KCNN4: variants seen among roughly 807,000 people sequenced by gnomAD.
KCNN4 encodes the protein potassium calcium-activated channel subfamily N member 4, also known as intermediate conductance calcium-activated potassium channel protein 4.
A neutral mutation model predicts 45.2 loss-of-function variants in KCNN4; 31 were observed. The observed-to-expected ratio is 0.69, with a 90% CI of 0.52 to 0.92. The LOEUF (loss-of-function observed/expected upper bound fraction) is 0.92. KCNN4 is among the 40% of genes least tolerant of loss of function. The pLI is 0.00. For synonymous variants in KCNN4, 231 were observed against 254.6 expected, an observed-to-expected ratio of 0.91 and a Z score of 0.88; for missense variants, 463 against 574.0, an observed-to-expected ratio of 0.81 and a Z score of 1.98.
rs1294690164 is a variant in KCNN4 at position 43,768,836 on chromosome 19, C to T, written c.1119+127G>A. 4 of 816,988 alleles carry T rather than the reference C, an allele frequency of 4.9e-6. No individual in the cohort carries two copies. The East Asian group carries it at 7.3e-5, about 15-fold the overall frequency. The allele number at this position is 816,988 out of a possible 1,614,324, so 50.6% of individuals were successfully genotyped here. On this transcript the variant is annotated intron_variant, in intron 7 of 8. Coordinates refer to ENST00000648319, the MANE Select transcript of KCNN4 (RefSeq NM_002250.3). ...ATTCCTTCCTTCCTTCATTCAACCACAGACCTTTACTGACAGGCTGTGTGT... is the reference window on the plus strand; with the variant it reads ...ATTCCTTCCTTCCTTCATTCAACCATAGACCTTTACTGACAGGCTGTGTGT...
Position 43,774,576 on chromosome 19 carries a change from A to G in KCNN4, c.299T>C (p.Leu100Pro), listed in dbSNP as rs1969742843. Residue 100 changes from leucine to proline, a missense_variant, in exon 3 of 9, where the codon CTG (leucine) becomes CCG (proline). By Grantham distance (98) the Leu-to-Pro change is moderately conservative. Around this residue, in one of 3 missense-constraint regions of KCNN4, gnomAD observed 225 missense variants for 240.9 expected, o/e 0.93. Coordinates refer to ENST00000648319, the MANE Select transcript of KCNN4 (RefSeq NM_002250.3). The surrounding 1 kb of genome is among the most constrained non-coding windows in gnomAD (Gnocchi z 5.6). ...GATCTGCGCCGCCTGCCGCCCGGTC[A>G]GCGCCACGCGCCAGTCCCGCAGCCC... ...DNGLRDWRVA[L>P]TGRQAAQIVL... The G allele has an allele frequency of 6.5e-7, 1 of 1,538,074 alleles. No homozygotes were observed. Among genetic ancestry groups the G allele is most frequent in the Non-Finnish European group, 8.7e-7 (1 of 1,152,712 alleles).
At chr19:43,775,395 C>G (rs994157960) in intron 2 of KCNN4, among the ~76,000 whole-genome samples, 2 of 152,220 alleles carry the variant, frequency 1.3e-5, no homozygotes, top group African/African-American at 4.8e-5. Flanking sequence ...CCAGGTACTG[C>G]TCTATCCCGT....
At chr19:43,775,770 G>A (rs903577183) in intron 2 of KCNN4, among the ~76,000 whole-genome samples, 1 of 152,026 alleles carries the variant, frequency 6.6e-6, no homozygotes, top group African/African-American at 2.4e-5. Flanking sequence ...GATGGGGAGA[G>A]CTCCTGGGTC....
intron 2 of KCNN4, among the ~76,000 whole-genome samples, chr19:43,775,831 C>T (rs537438944): frequency 2.0e-5 from 3 of 151,938 alleles, no homozygotes; most frequent in African/African-American, 7.2e-5. Context: ...TAGGAGTGGG[C>T]ACCCCTGGGA....
intron 1 of KCNN4, among the ~76,000 whole-genome samples, chr19:43,780,073 G>A (rs1969927086): frequency 6.6e-6 from 1 of 151,908 alleles, no homozygotes; most frequent in African/African-American, 2.4e-5. Flanking sequence ...GCCGCCTACT[G>A]GAAGAACTTT....
At position 43,774,554 on chromosome 19, in the gene KCNN4, C is replaced by T. The variant is rs759096753; in HGVS notation, c.321G>A (p.Gln107=). The T allele has an allele frequency of 5.1e-6, 8 of 1,562,084 alleles. No individual in the cohort carries two copies. In the Admixed American group the frequency reaches 1.1e-4, roughly 22 times the overall value. The stretch of plus-strand genomic sequence containing the variant: ...CACACACCACCAGCTCCAGCACGAT[C>T]TGCGCCGCCTGCCGCCCGGTCAGCG... ...RVALTGRQAA[Q]IVLELVVCGL... is the part of the protein sequence containing the mutation. Residue 107 remains glutamine (Q), a synonymous_variant, in exon 3 of 9, where the codon CAG becomes CAA. Coordinates refer to ENST00000648319, the MANE Select transcript of KCNN4 (RefSeq NM_002250.3). The surrounding 1 kb of genome is among the most constrained non-coding windows in gnomAD (Gnocchi z 5.6).
At chr19:43,773,148 C>T (rs557324249) in intron 3 of KCNN4, among the ~76,000 whole-genome samples, 1 of 152,320 alleles carries the variant, frequency 6.6e-6, no homozygotes, top group Non-Finnish European at 1.5e-5. Context: ...AATACAAAAA[C>T]TAGTCAGGCA....
In KCNN4 at chr19:43,772,783, C is replaced by T. The variant is rs748317511; in HGVS notation, c.684-648G>A. 9.9e-5 allele frequency among the ~76,000 whole-genome samples: 15 copies of T among 152,174 alleles called. No individual in the cohort carries two copies. The highest frequency in any genetic ancestry group is 1.6e-4 in the Non-Finnish European group (11 of 68,026). ...AGGGCCCCTGACACCCCAGACCCAC[C>T]GGGTTGGAGTTTCTAGGAGCGAAGA... On this transcript the variant is annotated intron_variant, in intron 3 of 8. Transcript: ENST00000648319. This position sits in a 1 kb window ranked among gnomAD's most constrained non-coding sequence, Gnocchi z 4.4.
intron 4 of KCNN4, among the ~76,000 whole-genome samples, chr19:43,770,878 G>A (rs1485545083): frequency 6.6e-6 from 1 of 152,194 alleles, no homozygotes; most frequent in Non-Finnish European, 1.5e-5. Flanking sequence ...TGTCAAATGA[G>A]GGAGGAGGTC....
chr19:43,774,393 T>TAG lies in KCNN4; in HGVS notation c.480_481dup (p.Tyr161SerfsTer41). 6.2e-7 allele frequency: 1 copy of TAG among 1,601,660 alleles called. No homozygotes were observed. The highest frequency in any genetic ancestry group is 8.5e-7 in the Non-Finnish European group (1 of 1,174,494). On this transcript the variant is annotated frameshift_variant, in exon 3 of 9. Coordinates refer to ENST00000648319, the MANE Select transcript of KCNN4 (RefSeq NM_002250.3). LOFTEE classifies it high-confidence loss of function. This position sits in a 1 kb window ranked among gnomAD's most constrained non-coding sequence, Gnocchi z 5.6. ...CAGGAGCACGGCGCGGGGCACCAGG[T>TAG]AGAGACGCAGCAGCATGGCCAGGGA...
intron 3 of KCNN4, among the ~76,000 whole-genome samples, chr19:43,773,494 A>G (rs755495550): frequency 1.4e-4 from 22 of 152,162 alleles, no homozygotes; most frequent in Non-Finnish European, 2.5e-4. Flanking sequence ...AGGCTTGCTA[A>G]AGTGGATTGC....
rs183782389 is a variant in KCNN4, at chr19:43,778,441, G to A, written c.160-1805C>T. Reference sequence around the variant, plus strand: ...TTTTTAGTAGAGATGGGGTTTCACTGTGTTAGCCAGGATGGTCTCGATGTC... The same window carrying A: ...TTTTTAGTAGAGATGGGGTTTCACTATGTTAGCCAGGATGGTCTCGATGTC... On this transcript the variant is annotated intron_variant, in intron 1 of 8. Transcript: ENST00000648319. Among the ~76,000 whole-genome samples, 1,220 of 152,170 alleles carry A rather than the reference G, an allele frequency of 8.0e-3. 28 individuals are homozygous for A. Among genetic ancestry groups the A allele is most frequent in the African/African-American group, 0.028 (1,152 of 41,522 alleles).
chr19:43,768,811 ATTCC>A lies in KCNN4; in HGVS notation c.1119+148_1119+151del. 5 of 675,964 alleles carry A rather than the reference ATTCC, an allele frequency of 7.4e-6. No individual in the cohort carries two copies. The East Asian group carries it at 7.7e-5, about 10-fold the overall frequency. 41.9% of individuals were successfully genotyped at this position (675,964 alleles called of 1,614,324 possible). A position where few individuals can be genotyped will look rare whatever the true frequency, so the allele number is the denominator to read the frequency against. ...TAAGAAGCTCTGTGTTGCATCATTC[ATTCC>A]TTCCTTCCTTCATTCAACCACAGAC... On this transcript the variant is annotated intron_variant, in intron 7 of 8. Transcript: ENST00000648319.
intron 4 of KCNN4, 65 bp downstream of exon 4, chr19:43,771,935 C>T: frequency 2.0e-6 from 3 of 1,510,678 alleles, no homozygotes; most frequent in Non-Finnish European, 2.7e-6. Context: ...TTAATCATGG[C>T]TTCCTGGGGC....
intron 1 of KCNN4, chr19:43,776,889 G>A (rs1969823189): frequency 2.3e-6 from 1 of 429,172 alleles, no homozygotes; most frequent in Non-Finnish European, 4.3e-6. Context: ...CCGAAGGTCG[G>A]GAGTTTGAGA....
chr19:43,777,672 C>CTT (rs1555725484), intron 1 of KCNN4, among the ~76,000 whole-genome samples: 7 of 146,468 alleles, frequency 4.8e-5, no homozygotes, highest in African/African-American at 1.5e-4. Context: ...GAAATTGTTC[C>CTT]TTTTTTTTTT....
rs1239355999 is a variant in KCNN4, at chr19:43,774,628, AG to A, written c.256-10del. Reference sequence around the variant, plus strand: ...TTGTCGGTCATGAACAGCTGCCGGTAGGGGGCCAAGAAGGGAGGGGTCAGGA... The same window carrying A: ...TTGTCGGTCATGAACAGCTGCCGGTAGGGGCCAAGAAGGGAGGGGTCAGGA... On this transcript the variant is annotated splice_polypyrimidine_tract_variant and intron_variant, in intron 2 of 8. Transcript: ENST00000648319. The surrounding 1 kb of genome is among the most constrained non-coding windows in gnomAD (Gnocchi z 5.6). 2 of 1,488,752 alleles carry A rather than the reference AG, an allele frequency of 1.3e-6. No individual in the cohort carries two copies. Among genetic ancestry groups the A allele is most frequent in the Non-Finnish European group, 1.8e-6 (2 of 1,128,388 alleles). 92.2% of individuals were successfully genotyped at this position (1,488,752 alleles called of 1,614,324 possible).
intron 4 of KCNN4, among the ~76,000 whole-genome samples, chr19:43,771,382 AG>A (rs1969638959): frequency 6.6e-6 from 1 of 152,136 alleles, no homozygotes; most frequent in African/African-American, 2.4e-5. Context: ...CAAGCCCATG[AG>A]GAGCATCAGC....
At position 43,774,119 on chromosome 19, in the gene KCNN4, C is replaced by CCT; in HGVS notation, c.683+72_683+73insAG. On this transcript the variant is annotated intron_variant, in intron 3 of 8. Transcript: ENST00000648319. The surrounding 1 kb of genome is among the most constrained non-coding windows in gnomAD (Gnocchi z 5.6). ...CTTGGTCCTAGGGGGCCTCAACCTG[C>CCT]ACCGCGGCACAGGACGGCCGCCGTG... is the stretch of plus-strand genomic sequence containing the variant. The CCT allele has an allele frequency of 6.9e-7, 1 of 1,457,060 alleles. No individual in the cohort carries two copies. The highest frequency in any genetic ancestry group is 9.3e-7 in the Non-Finnish European group (1 of 1,076,766). The allele number at this position is 1,457,060 out of a possible 1,614,324, so 90.3% of individuals were successfully genotyped here.
Sources: gnomAD v4.1 joint callset for allele counts (sites outside exome capture counted in the v4.1 genomes callset) on GRCh38, gnomAD v4.1.1 for gene constraint, gnomAD v4.1.1 regional missense constraint, Gnocchi (gnomAD v3.1) non-coding constraint, MANE v1.5 for transcripts, NCBI Gene and HGNC (gene_info 2026-07-23, HGNC 2026-07-21) for gene names.